The following HOXB7 variants were observed in gnomAD, a reference collection of about 807,000 sequenced individuals.
HOXB7 encodes homeobox protein Hox-B7.
HOXB7 carries 11 observed loss-of-function variants against 19.2 expected under a neutral mutation model. The ratio of observed to expected loss-of-function variants is 0.57; its 90% CI spans 0.36 to 0.95. The LOEUF is 0.95. Ranked by LOEUF, HOXB7 falls within the 40% of genes least tolerant of loss-of-function variation. The probability of loss-of-function intolerance (pLI) is 0.01; values close to 1 mark genes in which losing one functional copy is unlikely to be tolerated. For missense variants in HOXB7, 318 were observed against 301.1 expected (o/e 1.06, Z -0.42); for synonymous variants, 141 against 130.2 (o/e 1.08, Z -0.56).
Position 48,607,703 on chromosome 17 carries a change from GTTTTT to G in HOXB7, c.*134_*138del. 1 of 627,438 alleles carries G rather than the reference GTTTTT, an allele frequency of 1.6e-6. No individual in the cohort carries two copies. Among genetic ancestry groups the G allele is most frequent in the South Asian group, 3.2e-5 (1 of 31,548 alleles). 38.9% of individuals were successfully genotyped at this position (627,438 alleles called of 1,614,324 possible). On this transcript the variant is annotated 3_prime_UTR_variant, in exon 2 of 2. Coordinates refer to ENST00000239165, the MANE Select transcript of HOXB7 (RefSeq NM_004502.4). ...TTTAAACTCCTTTCATTTAAATAGG[GTTTTT>G]TTTTTGTTTTTTTTGTTTTTTGTTT... is the stretch of plus-strand genomic sequence containing the variant.
rs747971404 is a variant in HOXB7, at chr17:48,610,664, G to A, written c.255C>T (p.Phe85=). 6.3e-7 allele frequency: 1 copy of A among 1,580,706 alleles called. No homozygotes were observed. The highest frequency in any genetic ancestry group is 1.4e-5 in the African/African-American group (1 of 73,922). The stretch of plus-strand genomic sequence containing the variant: ...GCTCAAAGGGCGCGCAGTGCATGTT[G>A]AAGGAACTCGGCTCGAGCCCATAGC... The part of the protein sequence containing the change: ...AAGYGLEPSS[F]NMHCAPFEQN... Residue 85 remains phenylalanine, a synonymous_variant, in exon 1 of 2, where the codon TTC becomes TTT. Transcript: ENST00000239165.
In HOXB7 at chr17:48,607,708, T is replaced by G; in HGVS notation, c.*134A>C. The G allele has an allele frequency of 1.5e-6, 1 of 683,638 alleles. No homozygotes were observed. The highest frequency in any genetic ancestry group is 2.9e-5 in the South Asian group (1 of 33,904). 42.3% of individuals were successfully genotyped at this position (683,638 alleles called of 1,614,324 possible). A position where few individuals can be genotyped will look rare whatever the true frequency, so the allele number is the denominator to read the frequency against. ...ACTCCTTTCATTTAAATAGGGTTTT[T>G]TTTTTGTTTTTTTTGTTTTTTGTTT... On this transcript the variant is annotated 3_prime_UTR_variant, in exon 2 of 2. Coordinates refer to ENST00000239165, the MANE Select transcript of HOXB7 (RefSeq NM_004502.4).
At position 48,610,510 on chromosome 17, in the gene HOXB7, C is replaced by T. The variant is rs1296817190; in HGVS notation, c.400+9G>A. 2 of 1,473,958 alleles carry T rather than the reference C, an allele frequency of 1.4e-6. No individual in the cohort carries two copies. Among genetic ancestry groups the T allele is most frequent in the Non-Finnish European group, 1.8e-6 (2 of 1,106,108 alleles). 91.3% of individuals were successfully genotyped at this position (1,473,958 alleles called of 1,614,324 possible). A position where few individuals can be genotyped will look rare whatever the true frequency, so the allele number is the denominator to read the frequency against. On this transcript the variant is annotated intron_variant, in intron 1 of 1. Coordinates refer to ENST00000239165, the MANE Select transcript of HOXB7 (RefSeq NM_004502.4). The stretch of plus-strand genomic sequence containing the variant: ...CTGGGGCTCAGGACAGCTCGGTGCG[C>T]GGCGTTACCTGAGCTTCGCATCCAG...
At position 48,610,599 on chromosome 17, in the gene HOXB7, G is replaced by C; in HGVS notation, c.320C>G (p.Ala107Gly). The change falls in exon 1 of 2, where the codon GCG becomes GGG. Residue 107 changes from alanine (A) to glycine (G), a missense_variant. Coordinates refer to ENST00000239165, the MANE Select transcript of HOXB7 (RefSeq NM_004502.4). ...SGVCPGDSAK[A>G]AGAKEQRDSD... ...GTCCCTCTGCTCCTTGGCGCCCGCC[G>C]CCTTGGCGGAGTCGCCGGGACACAC... 1 of 1,552,482 alleles carries C rather than the reference G, an allele frequency of 6.4e-7. No individual in the cohort carries two copies. The highest frequency in any genetic ancestry group is 1.2e-5 in the South Asian group (1 of 84,742).
Position 48,607,735 on chromosome 17 carries a change from GTTTT to G in HOXB7, c.*103_*106del. ...TTTTGTTTTTTTTGTTTTTTGTTTT[GTTTT>G]TTTACTTCCCTATTCGATTTGAGTT... On this transcript the variant is annotated 3_prime_UTR_variant, in exon 2 of 2. Coordinates refer to ENST00000239165, the MANE Select transcript of HOXB7 (RefSeq NM_004502.4). 1 of 740,494 alleles carries G rather than the reference GTTTT, an allele frequency of 1.4e-6. No homozygotes were observed. Among genetic ancestry groups the G allele is most frequent in the South Asian group, 3.8e-5 (1 of 26,214 alleles). The allele number at this position is 740,494 out of a possible 1,614,324, so 45.9% of individuals were successfully genotyped here.
chr17:48,607,685 T>C lies in HOXB7; in HGVS notation c.*157A>G. 1 of 672,414 alleles carries C rather than the reference T, an allele frequency of 1.5e-6. No individual in the cohort carries two copies. The highest frequency in any genetic ancestry group is 2.3e-6 in the Non-Finnish European group (1 of 432,492). The allele number at this position is 672,414 out of a possible 1,614,324, so 41.7% of individuals were successfully genotyped here. On this transcript the variant is annotated 3_prime_UTR_variant, in exon 2 of 2. Transcript: ENST00000239165. Reference sequence around the variant, plus strand: ...CCCTCCTTAAAAAATGTTTTTAAACTCCTTTCATTTAAATAGGGTTTTTTT... The same window carrying C: ...CCCTCCTTAAAAAATGTTTTTAAACCCCTTTCATTTAAATAGGGTTTTTTT...
In HOXB7 at chr17:48,610,602, T is replaced by C; in HGVS notation, c.317A>G (p.Lys106Arg). ...CCTCTGCTCCTTGGCGCCCGCCGCC[T>C]TGGCGGAGTCGCCGGGACACACCCC... is the stretch of plus-strand genomic sequence containing the variant. ...LSGVCPGDSA[K>R]AAGAKEQRDS... The change falls in exon 1 of 2, where the codon AAG becomes AGG. Residue 106 changes from lysine (K) to arginine (R), a missense_variant. Physicochemically the swap from Lys to Arg is conservative, Grantham distance 26. Coordinates refer to ENST00000239165, the MANE Select transcript of HOXB7 (RefSeq NM_004502.4). The C allele has an allele frequency of 6.4e-7, 1 of 1,553,816 alleles. No individual in the cohort carries two copies. The highest frequency in any genetic ancestry group is 1.9e-5 in the Admixed American group (1 of 51,778).
At chr17:48,610,114 G>A (rs2070627983) in intron 1 of HOXB7, among the ~76,000 whole-genome samples, 1 of 152,142 alleles carries the variant, frequency 6.6e-6, no homozygotes, top group Admixed American at 6.5e-5. Flanking sequence ...GAGATCCTTA[G>A]CTGGGAAGGG....
At chr17:48,610,399 G>T in intron 1 of HOXB7, 120 bp downstream of exon 1, 1 of 1,056,886 alleles carries the variant, frequency 9.5e-7, no homozygotes, top group Non-Finnish European at 1.3e-6. Flanking sequence ...GCCTTCCAGG[G>T]CCGACCTCCG....
At chr17:48,608,696 T>C (rs1403582976) in intron 1 of HOXB7, among the ~76,000 whole-genome samples, 1 of 152,212 alleles carries the variant, frequency 6.6e-6, no homozygotes, top group Non-Finnish European at 1.5e-5. Context: ...AGTAATCTGC[T>C]GGCTCTTAAA....
chr17:48,607,428 C>T lies in HOXB7; in HGVS notation c.*414G>A, dbSNP rs947388463. The T allele has an allele frequency of 4.4e-5, 7 of 159,038 alleles. No homozygotes were observed. The highest frequency in any genetic ancestry group is 1.7e-4 in the African/African-American group (7 of 41,492). The allele number at this position is 159,038 out of a possible 1,614,324, so 9.9% of individuals were successfully genotyped here. A position where few individuals can be genotyped will look rare whatever the true frequency, so the allele number is the denominator to read the frequency against. ...GGAGGCTCAGGAGGGCAGGCAACCA[C>T]AGGGTTAGTCCAGACCCACAGTCCA... is the stretch of plus-strand genomic sequence containing the variant. On this transcript the variant is annotated 3_prime_UTR_variant, in exon 2 of 2. Coordinates refer to ENST00000239165, the MANE Select transcript of HOXB7 (RefSeq NM_004502.4).
chr17:48,608,024 A>G lies in HOXB7; in HGVS notation c.472T>C (p.Tyr158His). 1.2e-6 allele frequency: 2 copies of G among 1,614,180 alleles called. No individual in the cohort carries two copies. Among genetic ancestry groups the G allele is most frequent in the South Asian group, 1.1e-5 (1 of 91,082 alleles). The change falls in exon 2 of 2, where the codon TAC becomes CAC. Residue 158 changes from tyrosine to histidine, a missense_variant. Transcript: ENST00000239165. ...QTLELEKEFH[Y>H]NRYLTRRRRI... is the part of the protein sequence containing the mutation. ...CGCCGCCGCGTCAGGTAGCGATTGT[A>G]GTGAAATTCTTTCTCCAGCTCCAGG... is the stretch of plus-strand genomic sequence containing the variant.
At chr17:48,610,398 G>C in intron 1 of HOXB7, 121 bp downstream of exon 1, 3 of 1,048,956 alleles carry the variant, frequency 2.9e-6, no homozygotes, top group Non-Finnish European at 3.9e-6. Flanking sequence ...AGCCTTCCAG[G>C]GCCGACCTCC....
intron 1 of HOXB7, among the ~76,000 whole-genome samples, chr17:48,609,316 G>A (rs1176193508): frequency 6.6e-6 from 1 of 152,236 alleles, no homozygotes; most frequent in Non-Finnish European, 1.5e-5. Context: ...AGGGGCCCTA[G>A]TTTCAAGTCA....
rs1473984230 is a variant in HOXB7, at chr17:48,610,746, A to G, written c.173T>C (p.Leu58Ser). 1 of 1,603,108 alleles carries G rather than the reference A, an allele frequency of 6.2e-7. No individual in the cohort carries two copies. ...CGCCATGCCCCCCCCGCCGGGGTAC[A>G]AGCCCTGCATCGAGGCGGCGAAGGA... ...GASFAASMQG[L>S]YPGGGGMAGQ... Residue 58 changes from leucine (L) to serine (S), a missense_variant, in exon 1 of 2, where the codon TTG (leucine) becomes TCG (serine). Transcript: ENST00000239165.
chr17:48,607,441 G>C lies in HOXB7; in HGVS notation c.*401C>G, dbSNP rs2070594012. 1.1e-5 allele frequency: 2 copies of C among 176,304 alleles called. No individual in the cohort carries two copies. The highest frequency in any genetic ancestry group is 4.8e-5 in the African/African-American group (2 of 41,668). The allele number at this position is 176,304 out of a possible 1,614,324, so 10.9% of individuals were successfully genotyped here. On this transcript the variant is annotated 3_prime_UTR_variant, in exon 2 of 2. Coordinates refer to ENST00000239165, the MANE Select transcript of HOXB7 (RefSeq NM_004502.4). Reference sequence around the variant, plus strand: ...GGCAGGCAACCACAGGGTTAGTCCAGACCCACAGTCCACAAAGACAGCATT... The same window carrying C: ...GGCAGGCAACCACAGGGTTAGTCCACACCCACAGTCCACAAAGACAGCATT...
rs547407382 is a variant in HOXB7 at position 48,610,841 on chromosome 17, G to T, written c.78C>A (p.Phe26Leu). Residue 26 changes from phenylalanine to leucine, a missense_variant, in exon 1 of 2, where the codon TTC (phenylalanine) becomes TTA (leucine). Phe to Leu is a conservative substitution (Grantham distance 22). Coordinates refer to ENST00000239165, the MANE Select transcript of HOXB7 (RefSeq NM_004502.4). The part of the protein sequence containing the change: ...ASSSVFATGA[F>L]PEQTSCAFAS... ...CAAACGCACAAGAAGTTTGTTCTGG[G>T]AAGGCTCCGGTAGCGAAAACCGAAC... 6.4e-7 allele frequency: 1 copy of T among 1,562,570 alleles called. No individual in the cohort carries two copies. Among genetic ancestry groups the T allele is most frequent in the East Asian group, 2.3e-5 (1 of 44,022 alleles).
At chr17:48,610,040 C>T (rs879850256) in intron 1 of HOXB7, among the ~76,000 whole-genome samples, 7 of 148,390 alleles carry the variant, frequency 4.7e-5, no homozygotes, top group Non-Finnish European at 1.0e-4. Context: ...GGGAGAATTG[C>T]TTAGCGCTAT....
rs1441339884 is a variant in HOXB7 at position 48,607,494 on chromosome 17, T to G, written c.*348A>C. On this transcript the variant is annotated 3_prime_UTR_variant, in exon 2 of 2. Coordinates refer to ENST00000239165, the MANE Select transcript of HOXB7 (RefSeq NM_004502.4). The stretch of plus-strand genomic sequence containing the variant: ...AGAGGGCTTACAAAACTGCAAGATT[T>G]TACAAAGACCTTACAATAGCAACAT... 1 of 220,270 alleles carries G rather than the reference T, an allele frequency of 4.5e-6. No individual in the cohort carries two copies. Among genetic ancestry groups the G allele is most frequent in the African/African-American group, 2.3e-5 (1 of 42,812 alleles). 13.6% of individuals were successfully genotyped at this position (220,270 alleles called of 1,614,324 possible). A position where few individuals can be genotyped will look rare whatever the true frequency, so the allele number is the denominator to read the frequency against.
Sources: gnomAD v4.1 joint callset for allele counts (sites outside exome capture counted in the v4.1 genomes callset) on GRCh38, gnomAD v4.1.1 for gene constraint, MANE v1.5 for transcripts, NCBI Gene and HGNC (gene_info 2026-07-23, HGNC 2026-07-21) for gene names.